Variants in NOX4 observed in about 807,000 individuals in gnomAD.
The protein encoded by NOX4 is NADPH oxidase 4.
Under a neutral mutation model 87.6 loss-of-function variants are expected in NOX4, and 69 were observed. The ratio of observed to expected loss-of-function variants is 0.79; its 90% CI spans 0.65 to 0.96. The LOEUF (loss-of-function observed/expected upper bound fraction) is 0.96, where lower values mean the gene tolerates loss of function less well. Ranked by LOEUF, NOX4 falls within the 40% of genes least tolerant of loss-of-function variation. The pLI is 0.00. For missense variants in NOX4, 680 were observed against 681.5 expected (o/e 1.00, Z 0.02); for synonymous variants, 275 against 238.2 (o/e 1.15, Z -1.42).
chr11:89,361,698 T>C (rs1316007859), intron 12 of NOX4, among the ~76,000 whole-genome samples: 1 of 152,164 alleles, frequency 6.6e-6, no homozygotes, highest in Non-Finnish European at 1.5e-5. Context: ...ATGTCTTTGT[T>C]TGACTGAGAC....
chr11:89,388,435 G>A lies in NOX4; in HGVS notation c.1074+11582C>T, dbSNP rs556559553. Among the ~76,000 whole-genome samples the A allele has an allele frequency of 3.3e-5, 5 of 152,242 alleles. No individual in the cohort carries two copies. The East Asian group carries it at 9.7e-4, about 29-fold the overall frequency. On this transcript the variant is annotated intron_variant, in intron 11 of 17. Coordinates refer to ENST00000263317, the MANE Select transcript of NOX4 (RefSeq NM_016931.5). ...TGACTGGTCAGTTGGGGGTTACAAA[G>A]ATTTGGCCCCCTGACTTCAAGACAG...
At chr11:89,564,134 C>G in the NOX4 span, among the ~76,000 whole-genome samples, 1 of 152,012 alleles carries the variant, frequency 6.6e-6, no homozygotes, top group African/African-American at 2.4e-5. Context: ...TAGAATGCAC[C>G]GCATGTTTCC....
chr11:89,354,040 T>C (rs1937785980), intron 13 of NOX4, among the ~76,000 whole-genome samples: 2 of 152,168 alleles, frequency 1.3e-5, no homozygotes, highest in African/African-American at 4.8e-5. Context: ...GTGAGTATTA[T>C]CAAAGCTAAG....
chr11:89,496,264 T>C (rs1318140956), upstream of NOX4, among the ~76,000 whole-genome samples: 2 of 152,148 alleles, frequency 1.3e-5, no homozygotes, highest in Admixed American at 6.5e-5. Context: ...TCTGAAGACA[T>C]TGGAGAGGTC....
chr11:89,563,516 A>G, the NOX4 span, among the ~76,000 whole-genome samples: 2 of 152,184 alleles, frequency 1.3e-5, no homozygotes, highest in African/African-American at 4.8e-5. Flanking sequence ...TCTCTGCTAT[A>G]TATTTTTGCC....
intron 2 of NOX4, chr11:89,488,898 G>C (rs185276597): frequency 3.1e-6 from 2 of 652,660 alleles, no homozygotes. Context: ...TTATTTATTT[G>C]TTGGTTTTTC....
chr11:89,444,293 T>A, intron 4 of NOX4, 61 bp from the exon 5 acceptor site: 1 of 1,382,516 alleles, frequency 7.2e-7, no homozygotes, highest in South Asian at 1.2e-5. Flanking sequence ...TGTCAAGGAC[T>A]CAGTTCTTCC....
chr11:89,467,691 G>C (rs978440037), intron 2 of NOX4, among the ~76,000 whole-genome samples: 1 of 152,116 alleles, frequency 6.6e-6, no homozygotes, highest in Non-Finnish European at 1.5e-5. Context: ...TCACCCAAAG[G>C]CTCCACTTCC....
Position 89,400,086 on chromosome 11 carries a change from A to G in NOX4, c.1012-7T>C. Reference sequence around the variant, plus strand: ...GACAATGTAGAGTAATATACTAAAAAGCAACAAACAGATAAGTTTTAAATG... The same window carrying G: ...GACAATGTAGAGTAATATACTAAAAGGCAACAAACAGATAAGTTTTAAATG... On this transcript the variant is annotated splice_region_variant and splice_polypyrimidine_tract_variant and intron_variant, in intron 10 of 17. Coordinates refer to ENST00000263317, the MANE Select transcript of NOX4 (RefSeq NM_016931.5). 2 of 1,599,002 alleles carry G rather than the reference A, an allele frequency of 1.3e-6. No individual in the cohort carries two copies. The highest frequency in any genetic ancestry group is 1.1e-5 in the South Asian group (1 of 89,522).
At chr11:89,422,692 C>G (rs1290168273) in intron 7 of NOX4, among the ~76,000 whole-genome samples, 3 of 152,080 alleles carry the variant, frequency 2.0e-5, no homozygotes, top group South Asian at 2.1e-4. Flanking sequence ...TTAGAGAAAC[C>G]CTTACTTAAG....
intron 8 of NOX4, among the ~76,000 whole-genome samples, chr11:89,402,771 A>C (rs2135189314): frequency 6.6e-6 from 1 of 152,306 alleles, no homozygotes; most frequent in South Asian, 2.1e-4. Context: ...CACTCCAAAC[A>C]AATGCTATAA....
chr11:89,578,059 G>C, the NOX4 span, among the ~76,000 whole-genome samples: 2 of 151,954 alleles, frequency 1.3e-5, no homozygotes, highest in African/African-American at 4.8e-5. Flanking sequence ...GTGAGTTTTT[G>C]TGGCTCATGT....
the NOX4 span, among the ~76,000 whole-genome samples, chr11:89,585,584 T>C: frequency 1.3e-5 from 2 of 152,272 alleles, no homozygotes; most frequent in South Asian, 2.1e-4. Flanking sequence ...AATGTATAAA[T>C]TAATGAGTGT....
intron 7 of NOX4, among the ~76,000 whole-genome samples, chr11:89,426,416 G>A (rs1188312790): frequency 3.9e-5 from 6 of 151,998 alleles, no homozygotes; most frequent in Admixed American, 3.9e-4. Context: ...AGCTGAAGCA[G>A]GGTGAGGCAT....
chr11:89,405,204 A>C (rs112449155), intron 8 of NOX4, among the ~76,000 whole-genome samples: 5,686 of 151,918 alleles, frequency 0.037, 198 homozygotes, highest in East Asian at 0.13. Flanking sequence ...TCAAGTGGAC[A>C]TAACTCTACC....
intron 12 of NOX4, among the ~76,000 whole-genome samples, chr11:89,370,379 G>A (rs1939352933): frequency 6.6e-6 from 1 of 151,792 alleles, no homozygotes; most frequent in South Asian, 2.1e-4. Context: ...TGGATGTTAT[G>A]TATTTAATTC....
chr11:89,540,343 T>C, the NOX4 span, among the ~76,000 whole-genome samples: 8 of 152,294 alleles, frequency 5.3e-5, no homozygotes, highest in Non-Finnish European at 8.8e-5. Flanking sequence ...CGAGTCATTC[T>C]TCCATTTCTA....
chr11:89,445,671 A>G (rs1271437636), intron 4 of NOX4, among the ~76,000 whole-genome samples: 1 of 152,178 alleles, frequency 6.6e-6, no homozygotes, highest in African/African-American at 2.4e-5. Context: ...ACATTTAAAT[A>G]AATAAATCTA....
At chr11:89,470,200 T>C (rs1290109058) in intron 2 of NOX4, among the ~76,000 whole-genome samples, 1 of 152,162 alleles carries the variant, frequency 6.6e-6, no homozygotes, top group African/African-American at 2.4e-5. Flanking sequence ...GAAGTTATTA[T>C]CATCATCCTA....
Sources: gnomAD v4.1 joint callset for allele counts (sites outside exome capture counted in the v4.1 genomes callset) on GRCh38, gnomAD v4.1.1 for gene constraint, MANE v1.5 for transcripts, NCBI Gene and HGNC (gene_info 2026-07-23, HGNC 2026-07-21) for gene names.